PLCH1: variants seen among roughly 807,000 people sequenced by gnomAD.
PLCH1 encodes phospholipase C eta 1.
Under a neutral mutation model 126.7 loss-of-function variants are expected in PLCH1, and 60 were observed. That is an observed-to-expected ratio of 0.47 (90% CI 0.38 to 0.59). The LOEUF (loss-of-function observed/expected upper bound fraction) is 0.59. Ranked by LOEUF, PLCH1 falls within the 20% of genes least tolerant of loss-of-function variation. The pLI is 0.00. For synonymous variants in PLCH1, 719 were observed against 734.9 expected (o/e 0.98, Z 0.35); for missense variants, 1,723 against 2,040.0 (o/e 0.84, Z 2.99).
intron 2 of PLCH1, among the ~76,000 whole-genome samples, chr3:155,654,211 C>CA (rs1045292416): frequency 9.2e-5 from 14 of 151,970 alleles, no homozygotes; most frequent in African/African-American, 3.4e-4. Context: ...TGGTGTTTCT[C>CA]ATGTCATATT....
chr3:155,560,174 G>A (rs1359806837), intron 8 of PLCH1, among the ~76,000 whole-genome samples: 5 of 152,142 alleles, frequency 3.3e-5, no homozygotes, highest in South Asian at 2.1e-4. Flanking sequence ...GTCACTTCAT[G>A]GAGTCACTAA....
intron 21 of PLCH1, among the ~76,000 whole-genome samples, chr3:155,452,878 A>G (rs1366781782): frequency 6.6e-6 from 1 of 152,202 alleles, no homozygotes; most frequent in Non-Finnish European, 1.5e-5. Flanking sequence ...TGAAAATTAA[A>G]TGCAGAGTAT....
chr3:155,720,430 T>A (rs1747867301), intron 1 of PLCH1, among the ~76,000 whole-genome samples: 1 of 152,240 alleles, frequency 6.6e-6, no homozygotes, highest in Non-Finnish European at 1.5e-5. Context: ...AGTAAGGTGG[T>A]ATTGCATTGT....
intron 1 of PLCH1, among the ~76,000 whole-genome samples, chr3:155,709,603 T>G (rs1398248271): frequency 6.6e-6 from 1 of 152,168 alleles, no homozygotes; most frequent in Non-Finnish European, 1.5e-5. Flanking sequence ...GTGTCATTCA[T>G]TCATCCATTC....
intron 4 of PLCH1, among the ~76,000 whole-genome samples, chr3:155,591,331 G>A (rs558523308): frequency 1.4e-3 from 208 of 152,210 alleles, no homozygotes; most frequent in African/African-American, 4.9e-3. Context: ...TGGGGGCGGG[G>A]GTGTAAATCT....
chr3:155,486,778 C>G lies in PLCH1; in HGVS notation c.2620-1068G>C, dbSNP rs188638813. Among the ~76,000 whole-genome samples, 457 of 152,206 alleles carry G rather than the reference C, an allele frequency of 3.0e-3. 1 individual carries two copies. Among genetic ancestry groups the G allele is most frequent in the African/African-American group, 0.011 (439 of 41,538 alleles). On this transcript the variant is annotated intron_variant, in intron 21 of 22. Transcript: ENST00000460012. ...TGACCTCATGATCCACCCGCCTCGG[C>G]CTCCCAAAGTGCTGGGATTACAGGC...
downstream of PLCH1, among the ~76,000 whole-genome samples, chr3:155,477,333 T>G (rs1489568987): frequency 6.6e-6 from 1 of 152,122 alleles, no homozygotes; most frequent in East Asian, 1.9e-4. Flanking sequence ...GACATTGGTC[T>G]AGGCAAAATT....
chr3:155,713,123 A>C (rs1360804970), intron 1 of PLCH1, among the ~76,000 whole-genome samples: 1 of 151,804 alleles, frequency 6.6e-6, no homozygotes, highest in East Asian at 1.9e-4. Flanking sequence ...CCAGAGCAAC[A>C]CTCCACATCC....
At chr3:155,453,997 G>A (rs924883382) in intron 21 of PLCH1, among the ~76,000 whole-genome samples, 9 of 151,996 alleles carry the variant, frequency 5.9e-5, no homozygotes, top group African/African-American at 2.2e-4. Context: ...AGTCAGCCTA[G>A]TGGTTATACA....
intron 2 of PLCH1, among the ~76,000 whole-genome samples, chr3:155,656,712 C>G (rs1741422760): frequency 6.6e-6 from 1 of 151,984 alleles, no homozygotes; most frequent in African/African-American, 2.4e-5. Context: ...AGAAAAACAC[C>G]AGAGGCATTC....
At chr3:155,649,629 C>T (rs773415521) in intron 2 of PLCH1, among the ~76,000 whole-genome samples, 20 of 152,154 alleles carry the variant, frequency 1.3e-4, no homozygotes, top group Non-Finnish European at 2.4e-4. Context: ...CTGATTTGGA[C>T]TGTGATGATG....
intron 1 of PLCH1, among the ~76,000 whole-genome samples, chr3:155,724,895 G>T (rs367561917): frequency 6.7e-6 from 1 of 149,972 alleles, no homozygotes; most frequent in Non-Finnish European, 1.5e-5. Context: ...CTTTAAGAAG[G>T]TTCTGTTTTG....
intron 2 of PLCH1, among the ~76,000 whole-genome samples, chr3:155,600,748 T>C (rs1207707830): frequency 2.0e-5 from 3 of 152,224 alleles, no homozygotes; most frequent in Non-Finnish European, 4.4e-5. Flanking sequence ...ATTGTGATAT[T>C]TAAGCCATTT....
intron 2 of PLCH1, among the ~76,000 whole-genome samples, chr3:155,652,458 G>A (rs1740819445): frequency 6.6e-6 from 1 of 152,168 alleles, no homozygotes; most frequent in South Asian, 2.1e-4. Context: ...GGTTAGCAAA[G>A]GAAGAACTTT....
intron 12 of PLCH1, among the ~76,000 whole-genome samples, chr3:155,505,601 G>A (rs560461875): frequency 6.6e-6 from 1 of 152,296 alleles, no homozygotes; most frequent in East Asian, 1.9e-4. Context: ...GGGGTAGGAA[G>A]AGATTGGGTG....
At chr3:155,631,393 C>T (rs552502981) in intron 2 of PLCH1, among the ~76,000 whole-genome samples, 9 of 152,224 alleles carry the variant, frequency 5.9e-5, no homozygotes, top group Admixed American at 4.6e-4. Context: ...CTCAATTCAA[C>T]AAAAAGCACT....
At chr3:155,456,043 C>T (rs1043108077) in intron 21 of PLCH1, among the ~76,000 whole-genome samples, 1 of 152,178 alleles carries the variant, frequency 6.6e-6, no homozygotes, top group African/African-American at 2.4e-5. Flanking sequence ...GTTGTCTGCC[C>T]TGTCGATTGT....
intron 21 of PLCH1, 104 bp from the exon 22 acceptor site, chr3:155,485,814 G>A (rs1714987879): frequency 5.9e-6 from 4 of 680,946 alleles, no homozygotes; most frequent in Admixed American, 2.9e-5. Context: ...AACCAAAATC[G>A]TACAGCCATT....
chr3:155,714,072 G>A (rs1349431237), intron 1 of PLCH1, among the ~76,000 whole-genome samples: 1 of 152,076 alleles, frequency 6.6e-6, no homozygotes, highest in Non-Finnish European at 1.5e-5. Context: ...AAGCACTTAG[G>A]AACAGGAAGG....
Sources: gnomAD v4.1 joint callset for allele counts (sites outside exome capture counted in the v4.1 genomes callset) on GRCh38, gnomAD v4.1.1 for gene constraint, MANE v1.5 for transcripts, NCBI Gene and HGNC (gene_info 2026-07-23, HGNC 2026-07-21) for gene names.